The following CMIP variants were observed in gnomAD, a reference collection of about 807,000 sequenced individuals.
CMIP encodes C-Maf-inducing protein.
A neutral mutation model predicts 97.3 loss-of-function variants in CMIP; 13 were observed. The observed-to-expected ratio is 0.13, with a 90% CI of 0.09 to 0.21. CMIP has a LOEUF of 0.21. Among genes scored for constraint, CMIP ranks in the 10% least tolerant of loss-of-function variants. CMIP has a pLI of 1.00. For missense variants in CMIP, 847 were observed against 1,024.9 expected (o/e 0.83, Z 2.37); for synonymous variants, 538 against 436.3 (o/e 1.23, Z -2.91).
At chr16:81,515,978 C>G (rs932777774) in intron 1 of CMIP, among the ~76,000 whole-genome samples, 1 of 152,254 alleles carries the variant, frequency 6.6e-6, no homozygotes, top group Non-Finnish European at 1.5e-5. Context: ...TCTGTCGGCG[C>G]TTCCAGCCCC....
chr16:81,706,530 T>TCCCTGCTGCGG (rs1451110894), intron 19 of CMIP, among the ~76,000 whole-genome samples: 1 of 152,194 alleles, frequency 6.6e-6, no homozygotes, highest in Non-Finnish European at 1.5e-5. Context: ...AGATTCCTGG[T>TCCCTGCTGCGG]CCCTGCTGCG....
At chr16:81,500,893 C>T (rs1388644359) in intron 1 of CMIP, among the ~76,000 whole-genome samples, 1 of 152,066 alleles carries the variant, frequency 6.6e-6, no homozygotes, top group African/African-American at 2.4e-5. Flanking sequence ...CCTTGTGCAT[C>T]TGCGTCTTTG....
intron 1 of CMIP, among the ~76,000 whole-genome samples, chr16:81,603,013 T>C (rs999709981): frequency 4.6e-5 from 7 of 152,296 alleles, no homozygotes; most frequent in African/African-American, 1.7e-4. Context: ...ATCCAGCCCA[T>C]GTCCCCTGCA....
Position 81,540,491 on chromosome 16 carries a change from TG to T in CMIP, c.301-67073del, listed in dbSNP as rs2090427965. On this transcript the variant is annotated intron_variant, in intron 1 of 20. Coordinates refer to ENST00000537098, the MANE Select transcript of CMIP (RefSeq NM_198390.3). Reference sequence around the variant, plus strand: ...CTAATTTTTGTATTTTTTGTAGAGATGGGTTTTTGCCATTGCCCAGGCAGGG... The same window carrying T: ...CTAATTTTTGTATTTTTTGTAGAGATGGTTTTTGCCATTGCCCAGGCAGGG... 4.0e-5 allele frequency among the ~76,000 whole-genome samples: 6 copies of T among 151,770 alleles called. No homozygotes were observed. In the South Asian group the frequency reaches 1.3e-3, roughly 32 times the overall value.
chr16:81,655,872 C>T lies in CMIP; in HGVS notation c.640-1903C>T, dbSNP rs1462286717. Among the ~76,000 whole-genome samples, 2 of 152,130 alleles carry T rather than the reference C, an allele frequency of 1.3e-5. No homozygotes were observed. The highest frequency in any genetic ancestry group is 2.9e-5 in the Non-Finnish European group (2 of 68,032). Reference sequence around the variant, plus strand: ...GATCAGTCAATGGGATAGTAGAGAACCTGTCATAATCAAAAGAAATTGGTG... The same window carrying T: ...GATCAGTCAATGGGATAGTAGAGAATCTGTCATAATCAAAAGAAATTGGTG... On this transcript the variant is annotated intron_variant, in intron 4 of 20. Transcript: ENST00000537098. The surrounding 1 kb of genome is among the most constrained non-coding windows in gnomAD (Gnocchi z 4.9).
At chr16:81,456,196 G>A (rs1906534009) in intron 1 of CMIP, among the ~76,000 whole-genome samples, 1 of 152,218 alleles carries the variant, frequency 6.6e-6, no homozygotes, top group African/African-American at 2.4e-5. Flanking sequence ...GCCAGACAGA[G>A]CCCAGAGCCA....
chr16:81,679,208 A>T (rs542553160), intron 10 of CMIP, among the ~76,000 whole-genome samples: 119 of 152,002 alleles, frequency 7.8e-4, no homozygotes, highest in Non-Finnish European at 1.3e-3. Context: ...GTGTGTGTTT[A>T]TAGGAGAGAT....
chr16:81,500,933 A>C (rs1231783681), intron 1 of CMIP, among the ~76,000 whole-genome samples: 1 of 152,228 alleles, frequency 6.6e-6, no homozygotes, highest in African/African-American at 2.4e-5. Flanking sequence ...TAACAAGAGA[A>C]GAAAAACCCA....
chr16:81,522,326 G>T (rs2090044402), intron 1 of CMIP, among the ~76,000 whole-genome samples: 1 of 152,156 alleles, frequency 6.6e-6, no homozygotes, highest in Non-Finnish European at 1.5e-5. Flanking sequence ...CAGCTTCAGT[G>T]CTGCTCCATC....
At chr16:81,613,145 T>C (rs944334989) in intron 2 of CMIP, among the ~76,000 whole-genome samples, 1 of 152,190 alleles carries the variant, frequency 6.6e-6, no homozygotes, top group African/African-American at 2.4e-5. Flanking sequence ...TGTCCCAACC[T>C]TTTTGGCTCC....
chr16:81,486,223 T>C (rs1567539383), intron 1 of CMIP, among the ~76,000 whole-genome samples: 1 of 152,192 alleles, frequency 6.6e-6, no homozygotes, highest in African/African-American at 2.4e-5. Flanking sequence ...CTCAGAGATA[T>C]TCAGGTTCCC....
intron 1 of CMIP, among the ~76,000 whole-genome samples, chr16:81,590,737 A>G (rs561896126): frequency 2.8e-4 from 42 of 152,282 alleles, no homozygotes; most frequent in South Asian, 6.2e-4. Flanking sequence ...ATAACAAACT[A>G]AACCTCTCAC....
intron 2 of CMIP, chr16:81,620,173 C>G (rs934782303): frequency 1.3e-5 from 2 of 152,166 alleles, no homozygotes; most frequent in Non-Finnish European, 2.9e-5. Context: ...AAAATTGAGG[C>G]TGAGATGTCC....
rs11323720 is a variant in CMIP at position 81,521,377 on chromosome 16, ACC to A, written c.300+75844_300+75845del. On this transcript the variant is annotated intron_variant, in intron 1 of 20. Transcript: ENST00000537098. ...GTTATCTGGTGGCTTCGCATTTGCC[ACC>A]CCCCCCCGAATAGCAAACACGAGCT... is the stretch of plus-strand genomic sequence containing the variant. 1.1e-4 allele frequency among the ~76,000 whole-genome samples: 17 copies of A among 150,526 alleles called. No individual in the cohort carries two copies. In the South Asian group the frequency reaches 1.3e-3, roughly 11 times the overall value.
rs2092096627 is a variant in CMIP at position 81,627,909 on chromosome 16, C to T, written c.477+6983C>T. 6.6e-6 allele frequency among the ~76,000 whole-genome samples: 1 copy of T among 152,160 alleles called. No individual in the cohort carries two copies. The highest frequency in any genetic ancestry group is 1.5e-5 in the Non-Finnish European group (1 of 68,016). On this transcript the variant is annotated intron_variant, in intron 3 of 20. Coordinates refer to ENST00000537098, the MANE Select transcript of CMIP (RefSeq NM_198390.3). This position sits in a 1 kb window ranked among gnomAD's most constrained non-coding sequence, Gnocchi z 4.6. Reference sequence around the variant, plus strand: ...CAGCACCAAGGCAAAGTGCCTGGGGCTCAGAGAGGGGAAGCCCACCTGACG... The same window carrying T: ...CAGCACCAAGGCAAAGTGCCTGGGGTTCAGAGAGGGGAAGCCCACCTGACG...
intron 1 of CMIP, among the ~76,000 whole-genome samples, chr16:81,459,404 T>C (rs1394674347): frequency 6.6e-6 from 1 of 152,128 alleles, no homozygotes; most frequent in Non-Finnish European, 1.5e-5. Flanking sequence ...GTGACCTCGC[T>C]CCGTGACCTC....
In CMIP at chr16:81,648,784, GAAAAAAAAAAAAAAAAA is replaced by G. The variant is rs6145916; in HGVS notation, c.478-3399_478-3383del. Among the ~76,000 whole-genome samples, 79 of 75,736 alleles carry G rather than the reference GAAAAAAAAAAAAAAAAA, an allele frequency of 1.0e-3. 1 individual carries two copies. In the South Asian group the frequency reaches 0.02, roughly 19 times the overall value. The allele number at this position is 75,736 out of a possible 152,430, so 49.7% of individuals were successfully genotyped here. ...AGTGACAGAGCAAGACTCTGTCTCAGAAAAAAAAAAAAAAAAAAAAAAAAAAAAAAAAAAAAGCCCTG... is the reference window on the plus strand; with the variant it reads ...AGTGACAGAGCAAGACTCTGTCTCAGAAAAAAAAAAAAAAAAAAAGCCCTG... On this transcript the variant is annotated intron_variant, in intron 3 of 20. Coordinates refer to ENST00000537098, the MANE Select transcript of CMIP (RefSeq NM_198390.3).
At position 81,652,318 on chromosome 16, in the gene CMIP, C is replaced by A. The variant is rs751851339; in HGVS notation, c.593C>A (p.Ser198Tyr). The A allele has an allele frequency of 6.2e-7, 1 of 1,613,800 alleles. No individual in the cohort carries two copies. Among genetic ancestry groups the A allele is most frequent in the Non-Finnish European group, 8.5e-7 (1 of 1,179,846 alleles). The part of the protein sequence containing the change: ...MALTSPLQDD[S>Y]INQAPLEIVS... ...CTGACATCCCCCCTGCAGGATGACT[C>A]CATCAACCAGGCCCCACTGGAAATC... The change falls in exon 4 of 21, where the codon TCC (serine) becomes TAC (tyrosine). Residue 198 changes from serine (S) to tyrosine (Y), a missense_variant. Transcript: ENST00000537098. This position sits in a 1 kb window ranked among gnomAD's most constrained non-coding sequence, Gnocchi z 5.2.
At chr16:81,568,501 C>G (rs1597098248) in intron 1 of CMIP, among the ~76,000 whole-genome samples, 1 of 152,328 alleles carries the variant, frequency 6.6e-6, no homozygotes, top group East Asian at 1.9e-4. Context: ...GAGTCACTCT[C>G]TCTCTGTGCC....
Sources: gnomAD v4.1 joint callset for allele counts (sites outside exome capture counted in the v4.1 genomes callset) on GRCh38, gnomAD v4.1.1 for gene constraint, Gnocchi (gnomAD v3.1) non-coding constraint, MANE v1.5 for transcripts, NCBI Gene and HGNC (gene_info 2026-07-23, HGNC 2026-07-21) for gene names.